The following METTL16 variants were observed in gnomAD, a reference collection of about 807,000 sequenced individuals.
The protein encoded by METTL16 is methyltransferase 16, RNA N6-adenosine, also known as RNA N(6)-adenosine-methyltransferase METTL16.
METTL16 carries 19 observed loss-of-function variants against 57.9 expected under a neutral mutation model. That is an observed-to-expected ratio of 0.33 (90% CI 0.23 to 0.48). The LOEUF is 0.48. Among genes scored for constraint, METTL16 ranks in the 20% least tolerant of loss-of-function variants. The pLI is 0.99. For missense variants in METTL16, 434 were observed against 691.5 expected (o/e 0.63, Z 4.18); for synonymous variants, 246 against 255.6 (o/e 0.96, Z 0.36).
chr17:2,505,431 T>C (rs914532595), intron 1 of METTL16, among the ~76,000 whole-genome samples: 1 of 92,548 alleles, frequency 1.1e-5, no homozygotes, highest in Admixed American at 1.6e-4. Context: ...TTTTTTTTTT[T>C]AGATACATGG....
chr17:2,437,975 C>A, intron 8 of METTL16, 134 bp downstream of exon 8: 3 of 678,930 alleles, frequency 4.4e-6, no homozygotes, highest in Non-Finnish European at 8.0e-6. Context: ...TTGGTTACAA[C>A]CCCTTTCCAT....
Position 2,463,750 on chromosome 17 carries a change from A to G in METTL16, c.728+458T>C, listed in dbSNP as rs534820912. ...GCTGGGATTACAGGTGTGAGCCACC[A>G]CGCCCAGCCTGCAATCTTTATCTGC... On this transcript the variant is annotated intron_variant, in intron 6 of 9. Transcript: ENST00000263092. Among the ~76,000 whole-genome samples, 34 of 151,814 alleles carry G rather than the reference A, an allele frequency of 2.2e-4. 1 individual carries two copies. Among genetic ancestry groups the G allele is most frequent in the Admixed American group, 2.6e-4 (4 of 15,240 alleles).
intron 6 of METTL16, among the ~76,000 whole-genome samples, chr17:2,449,987 C>T (rs1340126052): frequency 6.6e-6 from 1 of 152,174 alleles, no homozygotes; most frequent in Non-Finnish European, 1.5e-5. Context: ...AAGGTGACAA[C>T]AGTACCAAAT....
chr17:2,491,701 C>G (rs2067392586), intron 2 of METTL16, among the ~76,000 whole-genome samples: 1 of 150,450 alleles, frequency 6.6e-6, no homozygotes, highest in Non-Finnish European at 1.5e-5. Context: ...CGGTGAAACC[C>G]CGTCTCTATT....
intron 4 of METTL16, among the ~76,000 whole-genome samples, chr17:2,471,352 G>T (rs2067233397): frequency 6.6e-6 from 1 of 152,120 alleles, no homozygotes; most frequent in Non-Finnish European, 1.5e-5. Context: ...TGTATTTTTA[G>T]TAGAGATGGG....
intron 5 of METTL16, among the ~76,000 whole-genome samples, chr17:2,467,236 G>C (rs1027240666): frequency 6.6e-6 from 1 of 152,136 alleles, no homozygotes; most frequent in Non-Finnish European, 1.5e-5. Flanking sequence ...TCAAAAGCGA[G>C]GCACTGCAGC....
Position 2,467,797 on chromosome 17 carries a change from G to A in METTL16, c.549C>T (p.Cys183=). The A allele has an allele frequency of 6.2e-7, 1 of 1,614,084 alleles. No individual in the cohort carries two copies. Among genetic ancestry groups the A allele is most frequent in the Non-Finnish European group, 8.5e-7 (1 of 1,179,930 alleles). ...ATTGATTGGCAAAAAAGGGAGGGTT[G>A]CACATGCAAAAGTCATAGATTATCT... ...ESEIIYDFCM[C]NPPFFANQLE... The change falls in exon 5 of 10, where the codon TGC becomes TGT. Residue 183 remains cysteine (C), a synonymous_variant. Transcript: ENST00000263092.
chr17:2,449,298 A>C (rs1356346655), intron 6 of METTL16, among the ~76,000 whole-genome samples: 2 of 152,216 alleles, frequency 1.3e-5, no homozygotes, highest in Non-Finnish European at 2.9e-5. Context: ...ACACAATCCC[A>C]ACCATACATT....
intron 6 of METTL16, among the ~76,000 whole-genome samples, chr17:2,446,160 AC>A (rs2066993834): frequency 6.6e-6 from 1 of 151,970 alleles, no homozygotes. Flanking sequence ...AACAAACAAA[AC>A]CCCCAAACCA....
chr17:2,442,831 A>G (rs1004037896), intron 6 of METTL16, among the ~76,000 whole-genome samples: 1 of 146,292 alleles, frequency 6.8e-6, no homozygotes, highest in Non-Finnish European at 1.5e-5. Context: ...TAACTTCAAT[A>G]GTTCTTTTTT....
At chr17:2,491,806 C>T (rs1221342382) in intron 2 of METTL16, among the ~76,000 whole-genome samples, 21 of 135,840 alleles carry the variant, frequency 1.5e-4, no homozygotes, top group Non-Finnish European at 2.7e-4. Flanking sequence ...ACCTGGGAGG[C>T]AGAGCTTGCA....
At chr17:2,482,489 C>A (rs548428576) in intron 2 of METTL16, among the ~76,000 whole-genome samples, 1 of 152,316 alleles carries the variant, frequency 6.6e-6, no homozygotes, top group African/African-American at 2.4e-5. Flanking sequence ...ACAACATACA[C>A]ATAATCAAAA....
chr17:2,424,214 C>T (rs1049777684), intron 8 of METTL16: 29 of 149,768 alleles, frequency 1.9e-4, no homozygotes, highest in African/African-American at 5.6e-4. Flanking sequence ...CCCGGGTTCA[C>T]GCCATTCTCC....
At chr17:2,436,255 A>C (rs987217359) in intron 8 of METTL16, among the ~76,000 whole-genome samples, 23 of 152,110 alleles carry the variant, frequency 1.5e-4, no homozygotes, top group Non-Finnish European at 5.9e-5. Context: ...GGTGTCAAAA[A>C]AGGAGAAGCA....
chr17:2,457,942 T>A lies in METTL16; in HGVS notation c.728+6266A>T, dbSNP rs2067123226. On this transcript the variant is annotated intron_variant, in intron 6 of 9. Transcript: ENST00000263092. ...TCACCCAGGCTGGAGTGCAGCGGCATAAACACAGCTCATGGCAGCCTCAAC... is the reference window on the plus strand; with the variant it reads ...TCACCCAGGCTGGAGTGCAGCGGCAAAAACACAGCTCATGGCAGCCTCAAC... Among the ~76,000 whole-genome samples the A allele has an allele frequency of 3.3e-5, 5 of 152,128 alleles. No homozygotes were observed. The South Asian group carries it at 1.0e-3, about 32-fold the overall frequency.
At chr17:2,465,773 T>C (rs1420290987) in intron 5 of METTL16, among the ~76,000 whole-genome samples, 1 of 148,184 alleles carries the variant, frequency 6.7e-6, no homozygotes, top group African/African-American at 2.5e-5. Context: ...GGCTGAGGCA[T>C]GAGAATCACT....
intron 6 of METTL16, among the ~76,000 whole-genome samples, chr17:2,450,380 A>G (rs1406441024): frequency 6.6e-6 from 1 of 152,212 alleles, no homozygotes; most frequent in Non-Finnish European, 1.5e-5. Context: ...ATTTGTATGA[A>G]AAGTCTAGAA....
chr17:2,494,726 GTGGTTGCTCACGCC>G (rs1437092148), intron 2 of METTL16, among the ~76,000 whole-genome samples: 1 of 151,888 alleles, frequency 6.6e-6, no homozygotes, highest in Non-Finnish European at 1.5e-5. Context: ...AAGGCCGGGC[GTGGTTGCTCACGCC>G]TGTAATCCTA....
At chr17:2,506,397 T>C (rs1442795842) in intron 1 of METTL16, among the ~76,000 whole-genome samples, 1 of 151,858 alleles carries the variant, frequency 6.6e-6, no homozygotes. Flanking sequence ...CTGATTCTCC[T>C]GCCTCAGCCT....
Sources: gnomAD v4.1 joint callset for allele counts (sites outside exome capture counted in the v4.1 genomes callset) on GRCh38, gnomAD v4.1.1 for gene constraint, MANE v1.5 for transcripts, NCBI Gene and HGNC (gene_info 2026-07-23, HGNC 2026-07-21) for gene names.